The following SYN3 variants were observed in gnomAD, a reference collection of about 807,000 sequenced individuals.
SYN3 encodes the protein synapsin-3.
SYN3 carries 35 observed loss-of-function variants against 65.8 expected under a neutral mutation model. The observed-to-expected ratio is 0.53, with a 90% CI of 0.41 to 0.70. SYN3 has a LOEUF of 0.70. Ranked by LOEUF, SYN3 falls within the 30% of genes least tolerant of loss-of-function variation. The pLI, the probability that SYN3 is intolerant of heterozygous loss-of-function variation, is 0.00. For missense variants in SYN3, 680 were observed against 749.0 expected (o/e 0.91, Z 1.08); for synonymous variants, 270 against 292.9 (o/e 0.92, Z 0.80).
intron 4 of SYN3, among the ~76,000 whole-genome samples, chr22:32,896,865 T>C (rs1301672547): frequency 6.6e-6 from 1 of 152,214 alleles, no homozygotes; most frequent in African/African-American, 2.4e-5. Context: ...ACACAGTCTC[T>C]AACTTTTCTT....
intron 6 of SYN3, among the ~76,000 whole-genome samples, chr22:32,657,670 C>T (rs936383196): frequency 1.4e-4 from 21 of 152,268 alleles, no homozygotes; most frequent in South Asian, 6.2e-4. Context: ...CTGTGCTCTC[C>T]GGAGCCTTCC....
At chr22:32,959,185 G>A (rs542331991) in intron 3 of SYN3, among the ~76,000 whole-genome samples, 4 of 152,106 alleles carry the variant, frequency 2.6e-5, no homozygotes, top group South Asian at 4.2e-4. Flanking sequence ...TAAGTTTCAC[G>A]AGATCTGATT....
chr22:32,765,586 C>T (rs9621551), intron 6 of SYN3, among the ~76,000 whole-genome samples: 6,201 of 152,114 alleles, frequency 0.041, 358 homozygotes, highest in African/African-American at 0.13. Context: ...GGAGGAGGGT[C>T]GCATAGCAAG....
intron 9 of SYN3, among the ~76,000 whole-genome samples, chr22:32,534,412 G>T (rs890402512): frequency 1.3e-5 from 2 of 152,144 alleles, no homozygotes; most frequent in East Asian, 1.9e-4. Context: ...GAGGACAAAG[G>T]GTGCATTTTT....
At chr22:32,896,134 G>C (rs1419926942) in intron 4 of SYN3, among the ~76,000 whole-genome samples, 1 of 152,096 alleles carries the variant, frequency 6.6e-6, no homozygotes, top group Non-Finnish European at 1.5e-5. Context: ...AAACTATAAA[G>C]ATATACATGT....
At chr22:32,972,085 G>T (rs2052038399) in intron 3 of SYN3, among the ~76,000 whole-genome samples, 1 of 152,168 alleles carries the variant, frequency 6.6e-6, no homozygotes, top group African/African-American at 2.4e-5. Flanking sequence ...CACTTTCAAG[G>T]AGGAATGACA....
At chr22:32,748,093 C>T (rs1008332016) in intron 6 of SYN3, among the ~76,000 whole-genome samples, 3 of 152,276 alleles carry the variant, frequency 2.0e-5, no homozygotes, top group Non-Finnish European at 4.4e-5. Flanking sequence ...CAGCTCCGAA[C>T]CTTAGACGCT....
At chr22:32,820,379 G>T (rs941030380) in intron 6 of SYN3, among the ~76,000 whole-genome samples, 1 of 130,310 alleles carries the variant, frequency 7.7e-6, no homozygotes, top group Non-Finnish European at 1.7e-5. Flanking sequence ...TGTGTGTGTG[G>T]TGTGTTCTAC....
intron 1 of SYN3, among the ~76,000 whole-genome samples, chr22:33,007,558 G>A (rs998781363): frequency 1.3e-5 from 2 of 152,154 alleles, no homozygotes; most frequent in Non-Finnish European, 2.9e-5. Flanking sequence ...TGGCCCACGC[G>A]ATGGAAGTAC....
intron 6 of SYN3, among the ~76,000 whole-genome samples, chr22:32,790,130 C>T (rs181184584): frequency 9.8e-5 from 15 of 152,312 alleles, no homozygotes; most frequent in Non-Finnish European, 1.9e-4. Flanking sequence ...AAATATTTAA[C>T]AAGTAGCTCT....
chr22:32,763,581 C>T (rs1602089986), intron 6 of SYN3, among the ~76,000 whole-genome samples: 1 of 152,194 alleles, frequency 6.6e-6, no homozygotes, highest in East Asian at 1.9e-4. Context: ...CGAGGCAGAG[C>T]CAGGACTCAA....
At chr22:32,670,408 T>A (rs1049827653) in intron 6 of SYN3, among the ~76,000 whole-genome samples, 24 of 152,320 alleles carry the variant, frequency 1.6e-4, no homozygotes, top group South Asian at 6.2e-4. Flanking sequence ...AAGATCCTGC[T>A]TAATTAATTA....
intron 6 of SYN3, among the ~76,000 whole-genome samples, chr22:32,691,256 C>T (rs2060657873): frequency 6.6e-6 from 1 of 152,168 alleles, no homozygotes; most frequent in Non-Finnish European, 1.5e-5. Context: ...AAGAAGACTA[C>T]TGCCAGGACA....
intron 6 of SYN3, among the ~76,000 whole-genome samples, chr22:32,681,619 A>G (rs2060523899): frequency 1.3e-5 from 2 of 152,154 alleles, no homozygotes; most frequent in Non-Finnish European, 2.9e-5. Context: ...TCTCCACCCT[A>G]TTTGGCTGTT....
chr22:32,821,725 G>GT (rs1314339676), intron 6 of SYN3, among the ~76,000 whole-genome samples: 1 of 152,180 alleles, frequency 6.6e-6, no homozygotes, highest in Non-Finnish European at 1.5e-5. Flanking sequence ...CCTGAACCAG[G>GT]TATTTGTCAC....
chr22:32,608,832 T>C (rs1457308827), intron 6 of SYN3, among the ~76,000 whole-genome samples: 1 of 152,220 alleles, frequency 6.6e-6, no homozygotes, highest in East Asian at 1.9e-4. Flanking sequence ...ATACATGTTA[T>C]AGGTATCTGG....
At chr22:32,636,838 C>A (rs9621514) in intron 6 of SYN3, among the ~76,000 whole-genome samples, 2 of 152,162 alleles carry the variant, frequency 1.3e-5, no homozygotes, top group East Asian at 3.9e-4. Context: ...GGTTTCAGCT[C>A]CTCTATCTAT....
At chr22:32,585,428 C>T (rs1326962774) in intron 7 of SYN3, among the ~76,000 whole-genome samples, 2 of 152,204 alleles carry the variant, frequency 1.3e-5, no homozygotes, top group Non-Finnish European at 2.9e-5. Flanking sequence ...TTCTAATGCA[C>T]TTTTATTCAC....
chr22:32,606,268 C>G (rs1034964367), intron 6 of SYN3, among the ~76,000 whole-genome samples: 4 of 152,246 alleles, frequency 2.6e-5, no homozygotes, highest in African/African-American at 9.6e-5. Flanking sequence ...CGTTACGAAG[C>G]CTTTGACAGA....
Sources: gnomAD v4.1 joint callset for allele counts (sites outside exome capture counted in the v4.1 genomes callset) on GRCh38, gnomAD v4.1.1 for gene constraint, MANE v1.5 for transcripts, NCBI Gene and HGNC (gene_info 2026-07-23, HGNC 2026-07-21) for gene names.